Variants in ITSN1 observed in about 807,000 individuals in gnomAD.
The protein encoded by ITSN1 is intersectin 1.
In ITSN1, 58 loss-of-function variants were observed where a neutral mutation model predicts 239.8. The ratio of observed to expected loss-of-function variants is 0.24; its 90% CI spans 0.20 to 0.30. The LOEUF (loss-of-function observed/expected upper bound fraction) is 0.30. Among genes scored for constraint, ITSN1 ranks in the 10% least tolerant of loss-of-function variants. ITSN1 has a pLI of 1.00. For synonymous variants in ITSN1, 780 were observed against 770.8 expected, an observed-to-expected ratio of 1.01 and a Z score of -0.20; for missense variants, 1,558 against 2,103.3, an observed-to-expected ratio of 0.74 and a Z score of 5.07.
chr21:33,825,881 G>A (rs1457661881), intron 25 of ITSN1, among the ~76,000 whole-genome samples: 2 of 152,182 alleles, frequency 1.3e-5, no homozygotes, highest in Non-Finnish European at 2.9e-5. Context: ...TAAAGAGACT[G>A]TAAGTTGTGT....
intron 1 of ITSN1, among the ~76,000 whole-genome samples, chr21:33,702,576 A>C (rs1163156547): frequency 6.6e-6 from 1 of 152,246 alleles, no homozygotes; most frequent in African/African-American, 2.4e-5. Context: ...CCACATGGTT[A>C]AATTTTACCT....
chr21:33,781,627 C>G, intron 15 of ITSN1, 79 bp downstream of exon 15: 1 of 833,068 alleles, frequency 1.2e-6, no homozygotes, highest in Admixed American at 2.7e-5. Context: ...GTCCCCCAGG[C>G]TGGAGTGCAG....
intron 1 of ITSN1, among the ~76,000 whole-genome samples, chr21:33,686,211 G>A (rs542022493): frequency 6.6e-6 from 1 of 152,044 alleles, no homozygotes; most frequent in Non-Finnish European, 1.5e-5. Flanking sequence ...TATTTCATAG[G>A]GATGTTGTTA....
chr21:33,879,499 T>C lies in ITSN1; in HGVS notation c.4342-2744T>C, dbSNP rs572953950. ...CCAGCCGAGGAAGGCCTGTGTATAA[T>C]GCAAAGGAACATTAACTTGATCCTG... On this transcript the variant is annotated intron_variant, in intron 34 of 39. Transcript: ENST00000381318. Among the ~76,000 whole-genome samples, 3 of 152,296 alleles carry C rather than the reference T, an allele frequency of 2.0e-5. No individual in the cohort carries two copies. The South Asian group carries it at 6.2e-4, about 32-fold the overall frequency.
intron 20 of ITSN1, 104 bp from the exon 21 acceptor site, chr21:33,810,871 T>C (rs745707053): frequency 2.4e-6 from 3 of 1,270,896 alleles, no homozygotes; most frequent in African/African-American, 2.9e-5. Flanking sequence ...CTATGCCATA[T>C]GTCAATCTAA....
At chr21:33,678,281 A>G (rs1018115523) in intron 1 of ITSN1, among the ~76,000 whole-genome samples, 2 of 152,190 alleles carry the variant, frequency 1.3e-5, no homozygotes, top group African/African-American at 4.8e-5. Context: ...CAGGCACATG[A>G]AGAAGCCCCA....
intron 29 of ITSN1, chr21:33,837,252 T>C: frequency 8.2e-7 from 1 of 1,223,010 alleles, no homozygotes; most frequent in East Asian, 3.3e-5. Flanking sequence ...GTGGGTCCTT[T>C]TGTGGCTTTC....
chr21:33,748,708 A>G (rs1369787417), intron 5 of ITSN1, among the ~76,000 whole-genome samples: 1 of 151,394 alleles, frequency 6.6e-6, no homozygotes, highest in Non-Finnish European at 1.5e-5. Context: ...ACACGTATAT[A>G]TATATATGAA....
chr21:33,728,870 G>A (rs865859745), intron 4 of ITSN1, among the ~76,000 whole-genome samples: 26 of 152,138 alleles, frequency 1.7e-4, no homozygotes, highest in Middle Eastern at 3.4e-3. Context: ...CCAGATAGAT[G>A]CCCAGCCCCC....
intron 31 of ITSN1, among the ~76,000 whole-genome samples, chr21:33,863,372 G>A (rs1210320767): frequency 2.6e-5 from 4 of 152,182 alleles, no homozygotes; most frequent in Admixed American, 2.0e-4. Context: ...GCCAGCGGCC[G>A]GGGCCGGGCA....
chr21:33,829,812 C>A, intron 27 of ITSN1, 67 bp downstream of exon 27: 4 of 1,581,262 alleles, frequency 2.5e-6, no homozygotes, highest in Admixed American at 1.7e-5. Flanking sequence ...CTCAAAGGGA[C>A]GCTATTTTAT....
chr21:33,659,705 C>CTTATT (rs2089394186), intron 1 of ITSN1, among the ~76,000 whole-genome samples: 1 of 76,608 alleles, frequency 1.3e-5, no homozygotes, highest in Non-Finnish European at 2.3e-5. Context: ...GCAGCCTGTA[C>CTTATT]TTTTTTTTTT....
At position 33,781,516 on chromosome 21, in the gene ITSN1, A is replaced by G. The variant is rs2070176440; in HGVS notation, c.1652A>G (p.Gln551Arg). Residue 551 changes from glutamine (Q) to arginine (R), a missense_variant, in exon 15 of 40, where the codon CAA becomes CGA. Physicochemically the swap from Gln to Arg is conservative, Grantham distance 43. Coordinates refer to ENST00000381318, the MANE Select transcript of ITSN1 (RefSeq NM_003024.3). ...LIPEKQILND[Q>R]LKQVQQNSLH... Reference sequence around the variant, plus strand: ...CCAGAAAAACAGATACTCAATGACCAATTAAAACAAGTTCAGCAGAACAGT... The same window carrying G: ...CCAGAAAAACAGATACTCAATGACCGATTAAAACAAGTTCAGCAGAACAGT... 6.3e-7 allele frequency: 1 copy of G among 1,590,460 alleles called. No individual in the cohort carries two copies. Among genetic ancestry groups the G allele is most frequent in the Admixed American group, 1.8e-5 (1 of 55,814 alleles).
chr21:33,682,630 G>A (rs1456954871), intron 1 of ITSN1, among the ~76,000 whole-genome samples: 1 of 152,138 alleles, frequency 6.6e-6, no homozygotes, highest in East Asian at 1.9e-4. Flanking sequence ...CCGGGTACAA[G>A]TGATGCTTGT....
intron 5 of ITSN1, among the ~76,000 whole-genome samples, chr21:33,736,000 C>CA (rs2066478060): frequency 6.6e-6 from 1 of 152,154 alleles, no homozygotes; most frequent in Admixed American, 6.5e-5. Context: ...CGTCTCAAAA[C>CA]AAACGTGATT....
Position 33,858,678 on chromosome 21 carries a change from A to G in ITSN1, c.3784-8A>G. ...CTTTCTGAACTGCTTCGTTTTCTGC[A>G]TCTGTAGATTTTTCAAAAACCCCTG... On this transcript the variant is annotated splice_polypyrimidine_tract_variant and splice_region_variant and intron_variant, in intron 30 of 39. Coordinates refer to ENST00000381318, the MANE Select transcript of ITSN1 (RefSeq NM_003024.3). The G allele has an allele frequency of 1.3e-6, 2 of 1,581,224 alleles. No homozygotes were observed. The highest frequency in any genetic ancestry group is 1.7e-6 in the Non-Finnish European group (2 of 1,151,366).
chr21:33,888,289 G>A lies in ITSN1; in HGVS notation c.5155G>A (p.Asp1719Asn), dbSNP rs372446522. Residue 1719 changes from aspartate (D) to asparagine (N), a missense_variant, in exon 40 of 40, where the codon GAT becomes AAT. By Grantham distance (23) the Asp-to-Asn change is conservative. Around this residue, in one of 2 missense-constraint regions of ITSN1, gnomAD observed 576 missense variants for 893.3 expected, o/e 0.64. Transcript: ENST00000381318. Reference protein sequence around the residue: ...IVVRLDLQLFDEP With the variant: ...IVVRLDLQLFNEP ...GGTCCGCTTGGACCTGCAGTTGTTTGATGAGCCGTAGGCAGCGGGCTCAGG... is the reference window on the plus strand; with the variant it reads ...GGTCCGCTTGGACCTGCAGTTGTTTAATGAGCCGTAGGCAGCGGGCTCAGG... 1.9e-5 allele frequency: 31 copies of A among 1,613,354 alleles called. No homozygotes were observed. The highest frequency in any genetic ancestry group is 3.3e-5 in the Admixed American group (2 of 59,918).
At chr21:33,852,356 A>G (rs1978480909) in intron 29 of ITSN1, among the ~76,000 whole-genome samples, 1 of 152,178 alleles carries the variant, frequency 6.6e-6, no homozygotes, top group Admixed American at 6.5e-5. Flanking sequence ...AAGGTAGAAT[A>G]ATTGGAGGTG....
chr21:33,886,483 G>T lies in ITSN1; in HGVS notation c.5017+23G>T, dbSNP rs762495937. On this transcript the variant is annotated intron_variant, in intron 39 of 39. Coordinates refer to ENST00000381318, the MANE Select transcript of ITSN1 (RefSeq NM_003024.3). ...ATGGTGAGTGGAACGCGGCCCTGTG[G>T]TTATTCCTCCTTCCCTGGCACTCGT... 11 of 1,513,418 alleles carry T rather than the reference G, an allele frequency of 7.3e-6. No individual in the cohort carries two copies. The Admixed American group carries it at 2.0e-4, about 27-fold the overall frequency. The allele number at this position is 1,513,418 out of a possible 1,614,324, so 93.7% of individuals were successfully genotyped here.
Sources: allele counts gnomAD v4.1 joint callset (sites outside exome capture counted in the v4.1 genomes callset), GRCh38; gene constraint gnomAD v4.1.1; regional missense constraint gnomAD v4.1.1; transcripts MANE v1.5; gene names NCBI Gene and HGNC (gene_info 2026-07-23, HGNC 2026-07-21).